PPT1: variants seen among roughly 807,000 people sequenced by gnomAD.
PPT1 encodes ceroid-palmitoyl-palmitoyl-protein thioesterase 1.
A neutral mutation model predicts 44.0 loss-of-function variants in PPT1; 24 were observed. That is an observed-to-expected ratio of 0.54 (90% CI 0.39 to 0.77). The LOEUF is 0.77. Among genes scored for constraint, PPT1 ranks in the 30% least tolerant of loss-of-function variants. The pLI is 0.00. For missense variants in PPT1, 341 were observed against 378.8 expected (o/e 0.90, Z 0.83); for synonymous variants, 148 against 140.2 (o/e 1.06, Z -0.39).
In PPT1 at chr1:40,092,166, C is replaced by T; in HGVS notation, c.241G>A (p.Glu81Lys). The T allele has an allele frequency of 6.2e-7, 1 of 1,614,172 alleles. No homozygotes were observed. The highest frequency in any genetic ancestry group is 1.7e-5 in the Admixed American group (1 of 60,020). The stretch of plus-strand genomic sequence containing the variant: ...TTGACATTCAAGAAGAAGCTGTTCT[C>T]CACGTCCTAAAAAAGAAGCCAGAGA... ...EIGKTLMEDV[E>K]NSFFLNVNSQ... Residue 81 changes from glutamate (E) to lysine (K), a missense_variant, in exon 3 of 9, where the codon GAG becomes AAG. Glu to Lys is a moderately conservative substitution (Grantham distance 56, BLOSUM62 1). Transcript: ENST00000642050.
intron 6 of PPT1, 69 bp from the exon 7 acceptor site, chr1:40,078,727 T>C (rs977784148): frequency 2.4e-5 from 31 of 1,318,340 alleles, no homozygotes; most frequent in Non-Finnish European, 3.3e-5. Flanking sequence ...AAAGCCTTCC[T>C]GTTTTCTGGT....
Position 40,092,042 on chromosome 1 carries a change from T to C in PPT1, c.362+3A>G, listed in dbSNP as rs777723958. On this transcript the variant is annotated splice_donor_region_variant and intron_variant, in intron 3 of 8. Transcript: ENST00000642050. Reference sequence around the variant, plus strand: ...TGGTACAATATAACAAAAAGGAACGTACAGAAATTGGCCTCCCTGGGAGAA... The same window carrying C: ...TGGTACAATATAACAAAAAGGAACGCACAGAAATTGGCCTCCCTGGGAGAA... 1 of 1,614,004 alleles carries C rather than the reference T, an allele frequency of 6.2e-7. No individual in the cohort carries two copies. Among genetic ancestry groups the C allele is most frequent in the South Asian group, 1.1e-5 (1 of 91,084 alleles).
intron 7 of PPT1, among the ~76,000 whole-genome samples, chr1:40,078,341 A>G (rs959099344): frequency 6.6e-6 from 1 of 152,140 alleles, no homozygotes; most frequent in East Asian, 1.9e-4. Context: ...GGGATTACAG[A>G]TGGCTGTCAC....
intron 1 of PPT1, among the ~76,000 whole-genome samples, chr1:40,095,064 G>A (rs1274849596): frequency 6.6e-6 from 1 of 152,188 alleles, no homozygotes; most frequent in Admixed American, 6.5e-5. Context: ...CTTTTGTCAA[G>A]ATTAATCATC....
chr1:40,074,235 TA>T, intron 8 of PPT1, 52 bp from the exon 9 acceptor site: 1 of 1,605,516 alleles, frequency 6.2e-7, no homozygotes, highest in Non-Finnish European at 8.5e-7. Context: ...AGTTTTGGAG[TA>T]AAATGGTAAG....
Position 40,092,147 on chromosome 1 carries a change from T to C in PPT1, c.260A>G (p.Asn87Ser). 1.2e-6 allele frequency: 2 copies of C among 1,614,176 alleles called. No homozygotes were observed. Among genetic ancestry groups the C allele is most frequent in the East Asian group, 2.2e-5 (1 of 44,882 alleles). The change falls in exon 3 of 9, where the codon AAT becomes AGT. Residue 87 changes from asparagine to serine, a missense_variant. Transcript: ENST00000642050. ...MEDVENSFFL[N>S]VNSQVTTVCQ... is the part of the protein sequence containing the mutation. ...CACTGTTGTTACTTGGGAATTGACA[T>C]TCAAGAAGAAGCTGTTCTCCACGTC...
rs1648363750 is a variant in PPT1, at chr1:40,073,210, G to A, written c.*851C>T. The A allele has an allele frequency of 6.6e-6, 1 of 152,116 alleles. No individual in the cohort carries two copies. Among genetic ancestry groups the A allele is most frequent in the African/African-American group, 2.4e-5 (1 of 41,420 alleles). 9.4% of individuals were successfully genotyped at this position (152,116 alleles called of 1,614,324 possible). On this transcript the variant is annotated 3_prime_UTR_variant, in exon 9 of 9. Transcript: ENST00000642050. Reference sequence around the variant, plus strand: ...TCAGAAAGCCTGATCTTTTTCATATGGTTCCTCCTATTCTCTGCTAAAGCC... The same window carrying A: ...TCAGAAAGCCTGATCTTTTTCATATAGTTCCTCCTATTCTCTGCTAAAGCC...
rs531151931 is a variant in PPT1 at position 40,093,320 on chromosome 1, G to A, written c.125-813C>T. On this transcript the variant is annotated intron_variant, in intron 1 of 8. Coordinates refer to ENST00000642050, the MANE Select transcript of PPT1 (RefSeq NM_000310.4). ...CTTTCATAGGATAAATAAAGAACAG[G>A]CAAATCCACTGAGATACAGAAAACT... 3.3e-5 allele frequency among the ~76,000 whole-genome samples: 5 copies of A among 152,186 alleles called. No homozygotes were observed. The South Asian group carries it at 1.0e-3, about 32-fold the overall frequency.
At chr1:40,088,013 ATGGCTTCAAGAATATAC>A (rs1177264660) in intron 5 of PPT1, among the ~76,000 whole-genome samples, 30 of 152,198 alleles carry the variant, frequency 2.0e-4, no homozygotes, top group Non-Finnish European at 4.3e-4. Context: ...ATCTTGGAAA[ATGGCTTCAAGAATATAC>A]TGTAATAAAA....
At position 40,076,897 on chromosome 1, in the gene PPT1, C is replaced by T. The variant is rs1648658242; in HGVS notation, c.743G>A (p.Arg248Lys). The stretch of plus-strand genomic sequence containing the variant: ...AATGGTTTCCTTGGCTTGGCCACTT[C>T]TGTAAAATCCAAACCACTGCAGAAG... ...PVDSEWFGFY[R>K]SGQAKETIPL... The change falls in exon 8 of 9, where the codon AGA (arginine) becomes AAA (lysine). Residue 248 changes from arginine (R) to lysine (K), a missense_variant. Arg to Lys is a conservative substitution (Grantham distance 26). Coordinates refer to ENST00000642050, the MANE Select transcript of PPT1 (RefSeq NM_000310.4). 1.9e-6 allele frequency: 3 copies of T among 1,614,058 alleles called. No individual in the cohort carries two copies. The highest frequency in any genetic ancestry group is 3.3e-5 in the Admixed American group (2 of 60,000).
At chr1:40,086,609 C>A (rs1649275864) in intron 5 of PPT1, among the ~76,000 whole-genome samples, 1 of 152,112 alleles carries the variant, frequency 6.6e-6, no homozygotes, top group Admixed American at 6.5e-5. Flanking sequence ...GAGGGGGAGA[C>A]CTGACCTGAG....
intron 5 of PPT1, among the ~76,000 whole-genome samples, chr1:40,083,864 A>G (rs1649115479): frequency 6.6e-6 from 1 of 152,152 alleles, no homozygotes; most frequent in South Asian, 2.1e-4. Flanking sequence ...TGGGCAACAT[A>G]AATGAGATCC....
intron 4 of PPT1, among the ~76,000 whole-genome samples, chr1:40,089,889 C>T (rs539181883): frequency 1.3e-5 from 2 of 151,700 alleles, no homozygotes; most frequent in South Asian, 2.1e-4. Context: ...TCATCAATAA[C>T]ATTGTTTTGA....
intron 5 of PPT1, among the ~76,000 whole-genome samples, chr1:40,084,790 T>C (rs1238442193): frequency 1.3e-5 from 2 of 152,222 alleles, no homozygotes; most frequent in Non-Finnish European, 2.9e-5. Flanking sequence ...AGCCAGGCCA[T>C]ACAGAGATAG....
At position 40,073,323 on chromosome 1, in the gene PPT1, G is replaced by C. The variant is rs1648371213; in HGVS notation, c.*738C>G. 1 of 152,438 alleles carries C rather than the reference G, an allele frequency of 6.6e-6. No homozygotes were observed. Among genetic ancestry groups the C allele is most frequent in the African/African-American group, 2.4e-5 (1 of 41,462 alleles). The allele number at this position is 152,438 out of a possible 1,614,324, so 9.4% of individuals were successfully genotyped here. A position where few individuals can be genotyped will look rare whatever the true frequency, so the allele number is the denominator to read the frequency against. On this transcript the variant is annotated 3_prime_UTR_variant, in exon 9 of 9. Coordinates refer to ENST00000642050, the MANE Select transcript of PPT1 (RefSeq NM_000310.4). ...GTCGAGAATGGAATAGGAAGAACTA[G>C]CTGCCTCACTTTTCACTTTCGCGCC...
intron 4 of PPT1, 92 bp from the exon 5 acceptor site, chr1:40,089,604 G>A (rs1649449610): frequency 1.1e-6 from 1 of 897,216 alleles, no homozygotes; most frequent in Admixed American, 1.8e-5. Flanking sequence ...AAAATGAACA[G>A]GACCAAACTC....
At chr1:40,086,622 G>GGAA (rs1363474642) in intron 5 of PPT1, among the ~76,000 whole-genome samples, 1 of 152,154 alleles carries the variant, frequency 6.6e-6, no homozygotes, top group Non-Finnish European at 1.5e-5. Context: ...GACCTGAGCT[G>GGAA]GGGCATGGTC....
intron 8 of PPT1, 174 bp downstream of exon 8, chr1:40,076,668 C>A (rs1184908103): frequency 6.9e-7 from 1 of 1,458,638 alleles, no homozygotes; most frequent in Non-Finnish European, 9.1e-7. Flanking sequence ...AGCTAGAGCA[C>A]ATAATCAAGA....
chr1:40,090,327 T>C (rs1649490226), intron 4 of PPT1, among the ~76,000 whole-genome samples: 1 of 151,762 alleles, frequency 6.6e-6, no homozygotes, highest in Non-Finnish European at 1.5e-5. Flanking sequence ...CTATCCTCCA[T>C]TTTATCGTGT....
Sources: allele counts gnomAD v4.1 joint callset (sites outside exome capture counted in the v4.1 genomes callset), GRCh38; gene constraint gnomAD v4.1.1; transcripts MANE v1.5; gene names NCBI Gene and HGNC (gene_info 2026-07-23, HGNC 2026-07-21).